The following VWDE variants were observed in gnomAD, a reference collection of about 807,000 sequenced individuals.
The protein encoded by VWDE is von Willebrand factor D and EGF domains.
A neutral mutation model predicts 178.4 loss-of-function variants in VWDE; 207 were observed. That is an observed-to-expected ratio of 1.16 (90% CI 1.04 to 1.30). The LOEUF is 1.30. Ranked by LOEUF, VWDE falls within the 50% of genes most tolerant of loss-of-function variation. The pLI, the probability that VWDE is intolerant of heterozygous loss-of-function variation, is 0.00. For synonymous variants in VWDE, 738 were observed against 651.4 expected, an observed-to-expected ratio of 1.13 and a Z score of -2.02; for missense variants, 2,287 against 1,901.3, an observed-to-expected ratio of 1.20 and a Z score of -3.77.
intron 9 of VWDE, among the ~76,000 whole-genome samples, chr7:12,373,743 C>T (rs1236943393): frequency 1.3e-5 from 2 of 152,076 alleles, no homozygotes; most frequent in Non-Finnish European, 2.9e-5. Context: ...TTGTTCACTG[C>T]CATACCCCCA....
chr7:12,387,333 TG>T (rs1385082688), intron 3 of VWDE, among the ~76,000 whole-genome samples: 3 of 152,068 alleles, frequency 2.0e-5, no homozygotes, highest in African/African-American at 7.2e-5. Flanking sequence ...ATTGTTTTTA[TG>T]AAAAAAGATT....
chr7:12,331,500 C>A (rs1393924377), intron 28 of VWDE, among the ~76,000 whole-genome samples: 7 of 152,112 alleles, frequency 4.6e-5, no homozygotes, highest in Admixed American at 2.6e-4. Flanking sequence ...CAGGAAAAAA[C>A]CACTGATACT....
rs1251901475 is a variant in VWDE, at chr7:12,369,582, G to A, written c.2724C>T (p.Ser908=). ...TGCAGTCATAGGAACTAAAGCTTGG[G>A]GAACACGCACACCCCCATTCCATGC... The part of the protein sequence containing the change: ...GQCMEWGCAC[S]PSFSSYDCSD... Residue 908 remains serine (S), a synonymous_variant, in exon 12 of 29, where the codon TCC becomes TCT. Transcript: ENST00000275358. 1.9e-6 allele frequency: 3 copies of A among 1,545,366 alleles called. No homozygotes were observed. The highest frequency in any genetic ancestry group is 1.8e-6 in the Non-Finnish European group (2 of 1,142,098).
intron 7 of VWDE, among the ~76,000 whole-genome samples, chr7:12,376,282 T>C (rs1450786379): frequency 6.6e-6 from 1 of 151,550 alleles, no homozygotes; most frequent in African/African-American, 2.4e-5. Context: ...GCATAGTCTG[T>C]TTAGAAATAC....
intron 9 of VWDE, 92 bp from the exon 10 acceptor site, chr7:12,373,339 C>T: frequency 1.5e-6 from 2 of 1,340,068 alleles, no homozygotes. Flanking sequence ...GTATCACGAT[C>T]ATTTTGTTGT....
chr7:12,338,996 C>T (rs774754089), intron 24 of VWDE, among the ~76,000 whole-genome samples: 1 of 152,046 alleles, frequency 6.6e-6, no homozygotes, highest in African/African-American at 2.4e-5. Context: ...ACCATTTAGG[C>T]TCACAACAAG....
rs77455919 is a variant in VWDE at position 12,378,450 on chromosome 7, C to G, written c.880-530G>C. 3.4e-3 allele frequency among the ~76,000 whole-genome samples: 522 copies of G among 152,250 alleles called. 3 individuals are homozygous for G. The highest frequency in any genetic ancestry group is 0.012 in the African/African-American group (479 of 41,552). On this transcript the variant is annotated intron_variant, in intron 6 of 28. Coordinates refer to ENST00000275358, the MANE Select transcript of VWDE (RefSeq NM_001135924.3). ...TGAACTTCCTGAGAACTGGTGCAACCCAGGACTGGCCCTATCTTCATTCAC... is the reference window on the plus strand; with the variant it reads ...TGAACTTCCTGAGAACTGGTGCAACGCAGGACTGGCCCTATCTTCATTCAC...
chr7:12,345,764 A>G (rs543822266), intron 19 of VWDE, among the ~76,000 whole-genome samples: 21 of 152,292 alleles, frequency 1.4e-4, no homozygotes, highest in African/African-American at 4.3e-4. Context: ...TACTGAGACT[A>G]CGATCCACAT....
rs1783442267 is a variant in VWDE at position 12,375,040 on chromosome 7, C to G, written c.1212G>C (p.Leu404=). The change falls in exon 8 of 29, where the codon CTG becomes CTC. Residue 404 remains leucine (L), a synonymous_variant. Transcript: ENST00000275358. ...TGCTGTCTGGAATGTAGTTGTTCCA[C>G]AGGAAATCCTCATTAACTATTGGTT... ...VVQPIVNEDF[L]WNNYIPDSIQ... 2 of 1,551,062 alleles carry G rather than the reference C, an allele frequency of 1.3e-6. No individual in the cohort carries two copies. Among genetic ancestry groups the G allele is most frequent in the Non-Finnish European group, 1.7e-6 (2 of 1,146,616 alleles).
At chr7:12,371,001 G>T in intron 10 of VWDE, 137 bp from the exon 11 acceptor site, 1 of 745,706 alleles carries the variant, frequency 1.3e-6, no homozygotes, top group Non-Finnish European at 1.9e-6. Context: ...TGATTTTCTT[G>T]ACTACAACTT....
intron 28 of VWDE, among the ~76,000 whole-genome samples, 175 bp downstream of exon 28, chr7:12,333,290 A>G (rs898075245): frequency 3.9e-5 from 6 of 152,184 alleles, no homozygotes; most frequent in Admixed American, 3.9e-4. Context: ...TCAAAATTTT[A>G]TATAATAACT....
intron 5 of VWDE, among the ~76,000 whole-genome samples, chr7:12,380,178 T>A (rs1783766424): frequency 6.6e-6 from 1 of 151,600 alleles, no homozygotes; most frequent in Non-Finnish European, 1.5e-5. Flanking sequence ...AATAAACGTA[T>A]ATAATTTTAA....
chr7:12,370,620 A>G (rs1204852160), intron 11 of VWDE, 36 bp downstream of exon 11: 1 of 1,544,994 alleles, frequency 6.5e-7, no homozygotes, highest in Non-Finnish European at 8.7e-7. Flanking sequence ...TAAGTCTAAT[A>G]TTAATATAAT....
chr7:12,353,210 G>C (rs1435957862), intron 18 of VWDE, among the ~76,000 whole-genome samples: 5 of 152,178 alleles, frequency 3.3e-5, no homozygotes, highest in African/African-American at 1.2e-4. Context: ...CAAACTAGCT[G>C]ACTGAGTTTT....
intron 1 of VWDE, among the ~76,000 whole-genome samples, chr7:12,399,359 G>A (rs1378711742): frequency 1.3e-5 from 2 of 152,158 alleles, no homozygotes; most frequent in African/African-American, 4.8e-5. Context: ...TGATAAAAGG[G>A]TCAATCCGTG....
At chr7:12,367,522 C>T in intron 12 of VWDE, 29 bp from the exon 13 acceptor site, 2 of 1,433,344 alleles carry the variant, frequency 1.4e-6, no homozygotes, top group Non-Finnish European at 1.8e-6. Context: ...ACAAATACTA[C>T]ATATTTTACT....
intron 16 of VWDE, among the ~76,000 whole-genome samples, chr7:12,357,980 C>T (rs898761105): frequency 2.0e-5 from 3 of 152,150 alleles, no homozygotes; most frequent in Non-Finnish European, 4.4e-5. Context: ...GAACGTTTCT[C>T]GCTGTACTTG....
chr7:12,355,108 T>G (rs961081543), intron 18 of VWDE, among the ~76,000 whole-genome samples: 5 of 152,148 alleles, frequency 3.3e-5, no homozygotes, highest in Non-Finnish European at 7.4e-5. Context: ...TCTACATTCA[T>G]AGTTCCCAAT....
At chr7:12,360,409 A>C (rs1170118000) in intron 15 of VWDE, among the ~76,000 whole-genome samples, 5 of 152,190 alleles carry the variant, frequency 3.3e-5, no homozygotes, top group Admixed American at 3.3e-4. Context: ...GAATATATGG[A>C]AATGGAATAT....
Sources: gnomAD v4.1 joint callset for allele counts (sites outside exome capture counted in the v4.1 genomes callset) on GRCh38, gnomAD v4.1.1 for gene constraint, MANE v1.5 for transcripts, NCBI Gene and HGNC (gene_info 2026-07-23, HGNC 2026-07-21) for gene names.